The following DLG2 variants were observed in gnomAD, a reference collection of about 807,000 sequenced individuals.
The protein encoded by DLG2 is discs large MAGUK scaffold protein 2.
In DLG2, 45 loss-of-function variants were observed where a neutral mutation model predicts 132.5. The ratio of observed to expected loss-of-function variants is 0.34; its 90% CI spans 0.27 to 0.44. DLG2 has a LOEUF of 0.44. Among genes scored for constraint, DLG2 ranks in the 20% least tolerant of loss-of-function variants. DLG2 has a pLI of 1.00. For synonymous variants in DLG2, 424 were observed against 419.6 expected, an observed-to-expected ratio of 1.01 and a Z score of -0.13; for missense variants, 1,045 against 1,196.9, an observed-to-expected ratio of 0.87 and a Z score of 1.87.
chr11:85,193,967 G>A (rs982351599), intron 4 of DLG2, among the ~76,000 whole-genome samples: 6 of 152,208 alleles, frequency 3.9e-5, no homozygotes, highest in African/African-American at 1.4e-4. Flanking sequence ...TGAATGTGAT[G>A]GAATAACAAT....
chr11:84,062,511 T>C (rs1411498881), intron 10 of DLG2, among the ~76,000 whole-genome samples: 1 of 152,218 alleles, frequency 6.6e-6, no homozygotes, highest in Non-Finnish European at 1.5e-5. Flanking sequence ...AATGGAAATT[T>C]AAACTTTTAA....
chr11:85,321,504 G>C (rs1423021206), intron 3 of DLG2, among the ~76,000 whole-genome samples: 1 of 151,972 alleles, frequency 6.6e-6, no homozygotes, highest in Admixed American at 6.6e-5. Flanking sequence ...AGAAAATACA[G>C]ACTAAGGATG....
chr11:84,105,608 AC>A (rs903890926), intron 9 of DLG2, among the ~76,000 whole-genome samples: 4 of 152,168 alleles, frequency 2.6e-5, no homozygotes, highest in Non-Finnish European at 5.9e-5. Flanking sequence ...AATATATGTT[AC>A]TTTTCTTTGT....
At chr11:84,191,081 T>C (rs1228538113) in intron 8 of DLG2, among the ~76,000 whole-genome samples, 1 of 152,234 alleles carries the variant, frequency 6.6e-6, no homozygotes, top group Admixed American at 6.5e-5. Flanking sequence ...GTTTGTGGTG[T>C]AGGAATCTGA....
chr11:85,153,635 A>G (rs2077407611), intron 5 of DLG2, among the ~76,000 whole-genome samples: 1 of 152,204 alleles, frequency 6.6e-6, no homozygotes, highest in South Asian at 2.1e-4. Context: ...TAGGAATAAA[A>G]TAAAGAAAGA....
At chr11:84,622,264 T>A (rs568576708) in intron 6 of DLG2, among the ~76,000 whole-genome samples, 1 of 152,304 alleles carries the variant, frequency 6.6e-6, no homozygotes, top group South Asian at 2.1e-4. Flanking sequence ...TTTTTCCTCA[T>A]AACTATCAGA....
chr11:85,068,277 C>T (rs1187767217), intron 6 of DLG2, among the ~76,000 whole-genome samples: 1 of 152,060 alleles, frequency 6.6e-6, no homozygotes, highest in Non-Finnish European at 1.5e-5. Context: ...TCCTATTCAA[C>T]ATTGTGTTGG....
chr11:85,429,841 A>C (rs2091041467), intron 3 of DLG2, among the ~76,000 whole-genome samples: 2 of 152,256 alleles, frequency 1.3e-5, no homozygotes, highest in Admixed American at 1.3e-4. Flanking sequence ...CATTTGACCC[A>C]GCCATCCCAT....
chr11:85,124,784 G>T (rs1404196322), intron 5 of DLG2, among the ~76,000 whole-genome samples: 1 of 151,732 alleles, frequency 6.6e-6, no homozygotes. Context: ...ATTCTTTTTT[G>T]TACATCATGA....
chr11:83,726,315 C>G (rs2089989465), intron 18 of DLG2, among the ~76,000 whole-genome samples: 1 of 152,078 alleles, frequency 6.6e-6, no homozygotes, highest in Non-Finnish European at 1.5e-5. Context: ...TGGAAGTCTC[C>G]AGGGTTTTAG....
rs549658926 is a variant in DLG2, at chr11:84,643,879, T to A, written c.358-109148A>T. Reference sequence around the variant, plus strand: ...GCAAGCAGGTGTTAAAGCCCTACCATGTGTTGAATCATTGTGCCAGGTAGT... The same window carrying A: ...GCAAGCAGGTGTTAAAGCCCTACCAAGTGTTGAATCATTGTGCCAGGTAGT... On this transcript the variant is annotated intron_variant, in intron 6 of 27. Coordinates refer to ENST00000376104, the MANE Select transcript of DLG2 (RefSeq NM_001142699.3). Among the ~76,000 whole-genome samples, 3 of 152,276 alleles carry A rather than the reference T, an allele frequency of 2.0e-5. No homozygotes were observed. In the South Asian group the frequency reaches 6.2e-4, roughly 32 times the overall value.
At chr11:84,451,941 AG>A (rs997246608) in intron 7 of DLG2, among the ~76,000 whole-genome samples, 4 of 151,722 alleles carry the variant, frequency 2.6e-5, no homozygotes, top group African/African-American at 7.3e-5. Context: ...GGCCTTAAGA[AG>A]GGACTGTTTG....
chr11:83,877,520 T>G (rs1029489591), intron 15 of DLG2, among the ~76,000 whole-genome samples: 4 of 152,162 alleles, frequency 2.6e-5, no homozygotes, highest in Non-Finnish European at 5.9e-5. Flanking sequence ...ACCTTATAAC[T>G]AATTATTTTG....
At chr11:85,284,482 G>A (rs1372008929) in intron 4 of DLG2, among the ~76,000 whole-genome samples, 1 of 151,824 alleles carries the variant, frequency 6.6e-6, no homozygotes, top group African/African-American at 2.4e-5. Context: ...TTGAAAAATA[G>A]TGTGTGTGGG....
At chr11:83,999,747 C>T (rs1468561378) in intron 11 of DLG2, among the ~76,000 whole-genome samples, 2 of 152,046 alleles carry the variant, frequency 1.3e-5, no homozygotes, top group African/African-American at 4.8e-5. Context: ...ATCACAGATG[C>T]AAATAATGCT....
chr11:85,295,119 A>G (rs1187327874), intron 3 of DLG2, among the ~76,000 whole-genome samples: 1 of 152,144 alleles, frequency 6.6e-6, no homozygotes, highest in East Asian at 1.9e-4. Flanking sequence ...GTCTTATTCT[A>G]TATCTAGGAG....
At chr11:84,572,739 G>T (rs2099488539) in intron 6 of DLG2, among the ~76,000 whole-genome samples, 1 of 151,918 alleles carries the variant, frequency 6.6e-6, no homozygotes, top group East Asian at 1.9e-4. Context: ...GAGGAATGAG[G>T]TAATATTATT....
chr11:85,085,069 T>C (rs1340371703), intron 6 of DLG2, among the ~76,000 whole-genome samples: 1 of 152,136 alleles, frequency 6.6e-6, no homozygotes, highest in East Asian at 1.9e-4. Flanking sequence ...CTGATTCTGT[T>C]GGTTATTTTT....
At chr11:85,079,996 A>C (rs2067036692) in intron 6 of DLG2, among the ~76,000 whole-genome samples, 1 of 152,096 alleles carries the variant, frequency 6.6e-6, no homozygotes, top group South Asian at 2.1e-4. Flanking sequence ...ATTGAGACGG[A>C]TGGAAAGGGG....
Sources: gnomAD v4.1 joint callset for allele counts (sites outside exome capture counted in the v4.1 genomes callset) on GRCh38, gnomAD v4.1.1 for gene constraint, MANE v1.5 for transcripts, NCBI Gene and HGNC (gene_info 2026-07-23, HGNC 2026-07-21) for gene names.